PRKD2: variants seen among roughly 807,000 people sequenced by gnomAD.
PRKD2 encodes the protein serine/threonine-protein kinase D2.
In PRKD2, 22 loss-of-function variants were observed where a neutral mutation model predicts 86.0. The ratio of observed to expected loss-of-function variants is 0.26; its 90% CI spans 0.18 to 0.37. The LOEUF (loss-of-function observed/expected upper bound fraction) is 0.37. Among genes scored for constraint, PRKD2 ranks in the 10% least tolerant of loss-of-function variants. The pLI is 1.00. For synonymous variants in PRKD2, 509 were observed against 510.9 expected, an observed-to-expected ratio of 1.00 and a Z score of 0.05; for missense variants, 818 against 1,199.2, an observed-to-expected ratio of 0.68 and a Z score of 4.70.
At chr19:46,705,038 T>C (rs2053694782) in intron 3 of PRKD2, among the ~76,000 whole-genome samples, 1 of 151,130 alleles carries the variant, frequency 6.6e-6, no homozygotes, top group East Asian at 1.9e-4. Context: ...CACCCAAAAT[T>C]TTCCCACTCC....
intron 16 of PRKD2, among the ~76,000 whole-genome samples, chr19:46,675,819 G>A (rs1429738865): frequency 6.6e-6 from 1 of 151,198 alleles, no homozygotes; most frequent in Non-Finnish European, 1.5e-5. Flanking sequence ...AAGCTGAAGT[G>A]CAGTGGCGTG....
intron 10 of PRKD2, 77 bp from the exon 11 acceptor site, chr19:46,692,062 T>G: frequency 6.8e-7 from 1 of 1,467,282 alleles, no homozygotes; most frequent in Non-Finnish European, 9.5e-7. Flanking sequence ...AAAAGCAGAC[T>G]TGGGAGTCAG....
intron 14 of PRKD2, 64 bp downstream of exon 14, chr19:46,689,473 C>G: frequency 6.5e-7 from 1 of 1,526,894 alleles, no homozygotes. Context: ...CCTAGGCATA[C>G]AGGGCCTCTC....
At position 46,674,694 on chromosome 19, in the gene PRKD2, C is replaced by T; in HGVS notation, c.2466G>A (p.Lys822=). ...CATGCGTGATGTATCGCTCTCCCAT[C>T]TTCCCCTCCAGCTCTCGGAGGTCCA... is the stretch of plus-strand genomic sequence containing the variant. ...TWLDLRELEG[K]MGERYITHES... The change falls in exon 18 of 18, where the codon AAG becomes AAA. Residue 822 remains lysine, a synonymous_variant. Coordinates refer to ENST00000291281, the MANE Select transcript of PRKD2 (RefSeq NM_016457.5). 6.2e-7 allele frequency: 1 copy of T among 1,606,210 alleles called. No individual in the cohort carries two copies. Among genetic ancestry groups the T allele is most frequent in the African/African-American group, 1.3e-5 (1 of 75,046 alleles).
chr19:46,700,002 G>A (rs314664), intron 7 of PRKD2, among the ~76,000 whole-genome samples: 16,505 of 151,530 alleles, frequency 0.11, 1,002 homozygotes, highest in Non-Finnish European at 0.13. Flanking sequence ...TTGGGAGGCC[G>A]AGGCAGGTGG....
chr19:46,675,857 C>T (rs1347063764), intron 16 of PRKD2, among the ~76,000 whole-genome samples: 1 of 152,088 alleles, frequency 6.6e-6, no homozygotes, highest in East Asian at 1.9e-4. Context: ...CCTCCACCTC[C>T]CCAGCTTAAT....
chr19:46,683,020 A>T lies in PRKD2; in HGVS notation c.1972-1272T>A, dbSNP rs149012453. 1.8e-3 allele frequency among the ~76,000 whole-genome samples: 266 copies of T among 151,040 alleles called. 3 individuals carry two copies. The highest frequency in any genetic ancestry group is 6.3e-3 in the African/African-American group (259 of 41,152). The stretch of plus-strand genomic sequence containing the variant: ...CCTCACCCATTTTTTTTTTGAAGAG[A>T]TGGAGTCTCCCTCTGTCACCCAGGC... On this transcript the variant is annotated intron_variant, in intron 14 of 17. Coordinates refer to ENST00000291281, the MANE Select transcript of PRKD2 (RefSeq NM_016457.5).
intron 3 of PRKD2, chr19:46,710,211 G>C (rs2053784864): frequency 6.7e-6 from 1 of 149,008 alleles, no homozygotes; most frequent in Non-Finnish European, 1.5e-5. Context: ...TCCTGTTTTT[G>C]AGCCAGGGTC....
intron 5 of PRKD2, 100 bp downstream of exon 5, chr19:46,704,069 G>A (rs2053675476): frequency 6.5e-7 from 1 of 1,529,044 alleles, no homozygotes; most frequent in Non-Finnish European, 8.8e-7. Flanking sequence ...CTGAGGCCCT[G>A]GGGTCCCAAG....
intron 3 of PRKD2, among the ~76,000 whole-genome samples, chr19:46,707,094 A>C (rs1183607481): frequency 2.6e-5 from 4 of 151,610 alleles, no homozygotes; most frequent in Non-Finnish European, 1.5e-5. Flanking sequence ...GGGTTTCACC[A>C]TGTTGGCCAG....
chr19:46,698,997 G>A (rs537720742), intron 7 of PRKD2, among the ~76,000 whole-genome samples: 2 of 152,216 alleles, frequency 1.3e-5, no homozygotes, highest in South Asian at 2.1e-4. Context: ...GGGAACCTGC[G>A]GCTTCAGGCT....
At chr19:46,713,736 G>C in intron 2 of PRKD2, 127 bp downstream of exon 2, 2 of 921,358 alleles carry the variant, frequency 2.2e-6, no homozygotes, top group South Asian at 3.6e-5. Context: ...CTCCCAAAGT[G>C]CTGGGATCAC....
chr19:46,696,682 G>C lies in PRKD2; in HGVS notation c.1317+475C>G, dbSNP rs530165401. ...AGGCAGGAGAATCGCTTGAACCCGG[G>C]AAGCGGAGGTTGCAGTGAGCCGAGA... On this transcript the variant is annotated intron_variant, in intron 9 of 17. Transcript: ENST00000291281. 5.9e-5 allele frequency among the ~76,000 whole-genome samples: 9 copies of C among 152,182 alleles called. No individual in the cohort carries two copies. In the South Asian group the frequency reaches 1.9e-3, roughly 32 times the overall value.
Position 46,716,312 on chromosome 19 carries a change from G to A in PRKD2, c.59C>T (p.Pro20Leu). The A allele has an allele frequency of 5.9e-6, 9 of 1,517,256 alleles. No individual in the cohort carries two copies. Among genetic ancestry groups the A allele is most frequent in the South Asian group, 1.3e-5 (1 of 79,630 alleles). 94.0% of individuals were successfully genotyped at this position (1,517,256 alleles called of 1,614,324 possible). The change falls in exon 1 of 18, where the codon CCT becomes CTT. Residue 20 changes from proline (P) to leucine (L), a missense_variant. Physicochemically the swap from Pro to Leu is moderately conservative, Grantham distance 98 (BLOSUM62 -3). Coordinates refer to ENST00000291281, the MANE Select transcript of PRKD2 (RefSeq NM_016457.5). This position sits in a 1 kb window ranked among gnomAD's most constrained non-coding sequence, Gnocchi z 7.9. ...CAGCTCTAGGCCGCCGGGGGGCGGAGGAGACCCCGGCCCGGGAGAGCCAGG... is the reference window on the plus strand; with the variant it reads ...CAGCTCTAGGCCGCCGGGGGGCGGAAGAGACCCCGGCCCGGGAGAGCCAGG... ...GLPGSPGPGS[P>L]PPPGGLELQS... is the part of the protein sequence containing the mutation.
rs1280804997 is a variant in PRKD2 at position 46,675,062 on chromosome 19, C to T, written c.2395G>A (p.Asp799Asn). 3.7e-6 allele frequency: 6 copies of T among 1,610,640 alleles called. No homozygotes were observed. In the African/African-American group the frequency reaches 4.0e-5, roughly 11 times the overall value. Residue 799 changes from aspartate to asparagine, a missense_variant, in exon 17 of 18, where the codon GAC (aspartate) becomes AAC (asparagine). Coordinates refer to ENST00000291281, the MANE Select transcript of PRKD2 (RefSeq NM_016457.5). ...QVKMRKRYSV[D>N]KSLSHPWLQE... is the part of the protein sequence containing the mutation. ...AACCAGGGGTGGCTGAGAGATTTGT[C>T]CACGCTGTAGCGTTTGCGCATCTTC...
chr19:46,692,421 C>G (rs1328732169), intron 10 of PRKD2, among the ~76,000 whole-genome samples: 1 of 152,016 alleles, frequency 6.6e-6, no homozygotes, highest in Non-Finnish European at 1.5e-5. Context: ...TTCTAAAGTC[C>G]GATCCTTCTG....
chr19:46,674,470 G>A lies in PRKD2; in HGVS notation c.*53C>T. The A allele has an allele frequency of 6.4e-7, 1 of 1,557,876 alleles. No homozygotes were observed. Among genetic ancestry groups the A allele is most frequent in the Middle Eastern group, 1.9e-4 (1 of 5,276 alleles). ...TTTCCCTAGAACAGTTCATTGCTGG[G>A]ATCCTGTGAAGAACCGCTGTGGAGG... On this transcript the variant is annotated 3_prime_UTR_variant, in exon 18 of 18. Coordinates refer to ENST00000291281, the MANE Select transcript of PRKD2 (RefSeq NM_016457.5).
intron 15 of PRKD2, among the ~76,000 whole-genome samples, chr19:46,679,750 G>A (rs533389658): frequency 5.9e-5 from 9 of 152,040 alleles, no homozygotes; most frequent in Admixed American, 5.2e-4. Context: ...TCAGCCTCCC[G>A]AATAGCTGGG....
chr19:46,690,919 C>A (rs975860582), intron 12 of PRKD2, among the ~76,000 whole-genome samples: 1 of 152,152 alleles, frequency 6.6e-6, no homozygotes, highest in Admixed American at 6.6e-5. Context: ...AAACAAAAAG[C>A]TCCGAAGAAG....
Sources: gnomAD v4.1 joint callset for allele counts (sites outside exome capture counted in the v4.1 genomes callset) on GRCh38, gnomAD v4.1.1 for gene constraint, Gnocchi (gnomAD v3.1) non-coding constraint, MANE v1.5 for transcripts, NCBI Gene and HGNC (gene_info 2026-07-23, HGNC 2026-07-21) for gene names.